The following SLC5A4 variants were observed in gnomAD, a reference collection of about 807,000 sequenced individuals.
The protein encoded by SLC5A4 is solute carrier family 5 member 4.
In SLC5A4, 55 loss-of-function variants were observed where a neutral mutation model predicts 70.3. That is an observed-to-expected ratio of 0.78 (90% CI 0.63 to 0.98). The LOEUF is 0.98. Ranked by LOEUF, SLC5A4 falls within the 50% of genes least tolerant of loss-of-function variation. The probability of loss-of-function intolerance (pLI) is 0.00; values close to 1 mark genes in which losing one functional copy is unlikely to be tolerated. For missense variants in SLC5A4, 735 were observed against 839.2 expected, an observed-to-expected ratio of 0.88 and a Z score of 1.53; for synonymous variants, 268 against 305.7, an observed-to-expected ratio of 0.88 and a Z score of 1.29.
the SLC5A4 span, among the ~76,000 whole-genome samples, chr22:32,302,668 C>G: frequency 6.6e-6 from 1 of 152,182 alleles, no homozygotes; most frequent in Non-Finnish European, 1.5e-5. Flanking sequence ...CTGTTCTGTT[C>G]CATTCATCTG....
At chr22:32,277,453 C>CTAA in the SLC5A4 span, among the ~76,000 whole-genome samples, 9 of 152,182 alleles carry the variant, frequency 5.9e-5, no homozygotes, top group African/African-American at 2.2e-4. Flanking sequence ...TGAAATTTCA[C>CTAA]TAATAAAGGG....
In SLC5A4 at chr22:32,232,900, T is replaced by C. The variant is rs754833642; in HGVS notation, c.1020A>G (p.Thr340=). 2.5e-6 allele frequency: 4 copies of C among 1,613,142 alleles called. No individual in the cohort carries two copies. In the African/African-American group the frequency reaches 4.0e-5, roughly 16 times the overall value. ...MPGMISRILY[T]DMVACVVPSE... ...AGAACATACGGATTCAGGGCTTACC[T>C]GTGTACAGGATGCGGCTGATCATCC... Residue 340 remains threonine, a splice_region_variant and synonymous_variant, in exon 9 of 15, where the codon ACA becomes ACG. Coordinates refer to ENST00000266086, the MANE Select transcript of SLC5A4 (RefSeq NM_014227.3).
intron 6 of SLC5A4, among the ~76,000 whole-genome samples, chr22:32,238,370 T>C (rs1030441839): frequency 3.9e-5 from 6 of 152,200 alleles, no homozygotes; most frequent in East Asian, 3.9e-4. Context: ...ACAGCTCAAA[T>C]GCACGAAAAT....
At chr22:32,311,181 G>C in the SLC5A4 span, among the ~76,000 whole-genome samples, 2 of 152,198 alleles carry the variant, frequency 1.3e-5, no homozygotes, top group African/African-American at 4.8e-5. Context: ...GTTCCCGGCA[G>C]AACACTCGCC....
the SLC5A4 span, among the ~76,000 whole-genome samples, chr22:32,336,249 G>A: frequency 2.0e-5 from 3 of 152,150 alleles, no homozygotes; most frequent in African/African-American, 7.2e-5. Context: ...AGCTCAGAGG[G>A]TGATTAAGTG....
the SLC5A4 span, chr22:32,269,519 ACGTGCTCCAT>A: frequency 1.7e-6 from 1 of 603,366 alleles, no homozygotes; most frequent in South Asian, 1.5e-5. This position sits in a 1 kb window ranked among gnomAD's most constrained non-coding sequence, Gnocchi z 4.1. Flanking sequence ...GTGGCAGGAC[ACGTGCTCCAT>A]CGTGGCCATC....
the SLC5A4 span, among the ~76,000 whole-genome samples, chr22:32,317,868 G>T: frequency 6.6e-6 from 1 of 152,184 alleles, no homozygotes; most frequent in African/African-American, 2.4e-5. Context: ...TGCTTGGAAG[G>T]ATTCTCTGCA....
At chr22:32,239,612 GTATAATATATAAAATATA>G (rs1323765868) in intron 5 of SLC5A4, among the ~76,000 whole-genome samples, 5 of 104,810 alleles carry the variant, frequency 4.8e-5, no homozygotes, top group Non-Finnish European at 7.4e-5. Flanking sequence ...TAAAATATAT[GTATAATATATAAAATATA>G]TATAATATAT....
At chr22:32,313,209 TC>T in the SLC5A4 span, among the ~76,000 whole-genome samples, 7 of 152,212 alleles carry the variant, frequency 4.6e-5, no homozygotes, top group African/African-American at 1.7e-4. Flanking sequence ...AGACATCAGA[TC>T]AATTTATAAA....
chr22:32,273,801 A>G, the SLC5A4 span, among the ~76,000 whole-genome samples: 1 of 150,668 alleles, frequency 6.6e-6, no homozygotes, highest in Non-Finnish European at 1.5e-5. Flanking sequence ...ACAAGCAAAC[A>G]AAAACAAACA....
chr22:32,340,739 G>A, the SLC5A4 span, among the ~76,000 whole-genome samples: 1 of 152,188 alleles, frequency 6.6e-6, no homozygotes, highest in Non-Finnish European at 1.5e-5. Context: ...TGCCAGTGTC[G>A]GGAGATGAGG....
the SLC5A4 span, among the ~76,000 whole-genome samples, chr22:32,320,336 A>T: frequency 6.6e-6 from 1 of 152,194 alleles, no homozygotes; most frequent in Non-Finnish European, 1.5e-5. Flanking sequence ...AGATGCCCAC[A>T]TCCTCTGACC....
the SLC5A4 span, among the ~76,000 whole-genome samples, chr22:32,338,186 G>T: frequency 6.6e-6 from 1 of 152,208 alleles, no homozygotes; most frequent in African/African-American, 2.4e-5. Flanking sequence ...CAGAATGAGG[G>T]ATGTACACAG....
chr22:32,250,360 A>T (rs1927070890), intron 3 of SLC5A4, among the ~76,000 whole-genome samples: 3 of 152,102 alleles, frequency 2.0e-5, no homozygotes, highest in African/African-American at 7.2e-5. Context: ...ATCTACAAAA[A>T]ACCAAAAACC....
Position 32,231,010 on chromosome 22 carries a change from T to C in SLC5A4, c.1087A>G (p.Asn363Asp). Residue 363 changes from asparagine to aspartate, a missense_variant, in exon 10 of 15, where the codon AAC (asparagine) becomes GAC (aspartate). Transcript: ENST00000266086. ...KHCGVDVGCT[N>D]YAYPTMVLEL... ...AGCACCATCGTGGGGTATGCGTAGT[T>C]GGTGCAGCCAACATCAACGCCACAG... 6.2e-7 allele frequency: 1 copy of C among 1,614,058 alleles called. No individual in the cohort carries two copies. The highest frequency in any genetic ancestry group is 8.5e-7 in the Non-Finnish European group (1 of 1,179,924).
chr22:32,312,189 CCT>C, the SLC5A4 span, among the ~76,000 whole-genome samples: 5 of 152,042 alleles, frequency 3.3e-5, no homozygotes, highest in African/African-American at 1.2e-4. Context: ...CCCAGTGCTC[CCT>C]GAGACACAGA....
chr22:32,298,726 G>A, the SLC5A4 span, among the ~76,000 whole-genome samples: 5 of 89,172 alleles, frequency 5.6e-5, no homozygotes, highest in South Asian at 2.2e-3. Flanking sequence ...TTGCTCGTTA[G>A]TTGATGCAGT....
the SLC5A4 span, among the ~76,000 whole-genome samples, chr22:32,351,031 CATT>C: frequency 1.9e-4 from 29 of 152,262 alleles, no homozygotes; most frequent in Admixed American, 8.5e-4. Flanking sequence ...GCCCTAAAAA[CATT>C]ATAATTCCAC....
chr22:32,251,432 A>G (rs1055919898), intron 3 of SLC5A4, among the ~76,000 whole-genome samples: 1 of 151,860 alleles, frequency 6.6e-6, no homozygotes, highest in African/African-American at 2.4e-5. Flanking sequence ...GATTTTAAAA[A>G]ATGAGTTTCA....
Sources: allele counts gnomAD v4.1 joint callset (sites outside exome capture counted in the v4.1 genomes callset), GRCh38; gene constraint gnomAD v4.1.1; non-coding constraint Gnocchi (gnomAD v3.1); transcripts MANE v1.5; gene names NCBI Gene and HGNC (gene_info 2026-07-23, HGNC 2026-07-21).